Variants in CNBD1 observed in about 807,000 individuals in gnomAD.
CNBD1 encodes cyclic nucleotide binding domain containing 1, also known as cyclic nucleotide-binding domain-containing protein 1.
In CNBD1, 71 loss-of-function variants were observed where a neutral mutation model predicts 54.4. The ratio of observed to expected loss-of-function variants is 1.30; its 90% CI spans 1.08 to 1.59. The LOEUF is 1.59. Ranked by LOEUF, CNBD1 falls within the 40% of genes most tolerant of loss-of-function variation. The pLI, the probability that CNBD1 is intolerant of heterozygous loss-of-function variation, is 0.00. For missense variants in CNBD1, 659 were observed against 518.0 expected (o/e 1.27, Z -2.64); for synonymous variants, 182 against 170.7 (o/e 1.07, Z -0.51).
chr8:87,243,164 C>G (rs1277149431), intron 6 of CNBD1, among the ~76,000 whole-genome samples: 2 of 152,106 alleles, frequency 1.3e-5, no homozygotes, highest in African/African-American at 4.8e-5. Flanking sequence ...TGCATACTGC[C>G]CAGTACATCT....
chr8:87,131,476 A>G (rs1430610830), intron 4 of CNBD1, among the ~76,000 whole-genome samples: 1 of 152,100 alleles, frequency 6.6e-6, no homozygotes, highest in Non-Finnish European at 1.5e-5. Flanking sequence ...TATCATTGTC[A>G]TATATAGTAC....
intron 8 of CNBD1, among the ~76,000 whole-genome samples, chr8:87,299,742 A>C (rs1808947643): frequency 6.6e-6 from 1 of 152,162 alleles, no homozygotes; most frequent in Non-Finnish European, 1.5e-5. Context: ...ATGTTAGAAA[A>C]AGGTACTACT....
rs1431034157 is a variant in CNBD1, at chr8:87,348,249, A to G, written c.1043-3436A>G. ...CTTTAAGAATTTGCTCTACAGGGCT[A>G]TAAATGCTATCTATATTTATCTGCA... On this transcript the variant is annotated intron_variant, in intron 8 of 10. Coordinates refer to ENST00000518476, the MANE Select transcript of CNBD1 (RefSeq NM_173538.3). Among the ~76,000 whole-genome samples, 5 of 152,306 alleles carry G rather than the reference A, an allele frequency of 3.3e-5. No homozygotes were observed. The East Asian group carries it at 7.7e-4, about 23-fold the overall frequency.
intron 8 of CNBD1, among the ~76,000 whole-genome samples, chr8:87,346,776 A>G (rs1810184123): frequency 6.6e-6 from 1 of 152,172 alleles, no homozygotes; most frequent in Non-Finnish European, 1.5e-5. Context: ...GATAAGGTTA[A>G]TTCATTCAGA....
In CNBD1 at chr8:87,182,185, T is replaced by C. The variant is rs931166193; in HGVS notation, c.432-23808T>C. On this transcript the variant is annotated intron_variant, in intron 4 of 10. Coordinates refer to ENST00000518476, the MANE Select transcript of CNBD1 (RefSeq NM_173538.3). The surrounding 1 kb of genome is among the most constrained non-coding windows in gnomAD (Gnocchi z 4.1). ...TCCTATGTTAGTTCACTTAGGATAA[T>C]GGCCTTCACCTATATCCATGTTACT... Among the ~76,000 whole-genome samples the C allele has an allele frequency of 3.3e-5, 5 of 152,210 alleles. No homozygotes were observed. The highest frequency in any genetic ancestry group is 5.9e-5 in the Non-Finnish European group (4 of 68,038).
intron 4 of CNBD1, among the ~76,000 whole-genome samples, chr8:87,143,185 G>A (rs1456798266): frequency 1.3e-5 from 2 of 152,072 alleles, no homozygotes; most frequent in African/African-American, 4.8e-5. Context: ...TGTAGCTATG[G>A]TATAGCTAAC....
chr8:87,409,991 C>A (rs1244930662), intron 2 of CNBD1, among the ~76,000 whole-genome samples: 4 of 151,812 alleles, frequency 2.6e-5, no homozygotes, highest in African/African-American at 9.7e-5. Context: ...CCACTGCACT[C>A]CAGCCTGGGT....
intron 10 of CNBD1, among the ~76,000 whole-genome samples, chr8:87,371,024 G>A (rs1810775872): frequency 1.3e-5 from 2 of 150,524 alleles, no homozygotes; most frequent in Non-Finnish European, 3.0e-5. Context: ...GTTTGTCAAA[G>A]ATCAGATAGT....
chr8:87,054,842 A>C (rs1190953813), intron 4 of CNBD1, among the ~76,000 whole-genome samples: 1 of 152,196 alleles, frequency 6.6e-6, no homozygotes, highest in Non-Finnish European at 1.5e-5. Context: ...AACATTCCCA[A>C]CAACCAAGGG....
At chr8:86,970,102 C>T (rs1270297444) in intron 4 of CNBD1, among the ~76,000 whole-genome samples, 1 of 152,020 alleles carries the variant, frequency 6.6e-6, no homozygotes, top group Admixed American at 6.6e-5. Flanking sequence ...TTATTTACAA[C>T]TATATGGCTT....
At chr8:87,033,197 G>T (rs888987025) in intron 4 of CNBD1, among the ~76,000 whole-genome samples, 5 of 152,112 alleles carry the variant, frequency 3.3e-5, no homozygotes, top group African/African-American at 1.2e-4. Context: ...TTCTTCCACA[G>T]TATTGACAAT....
At chr8:87,401,732 G>A (rs759015637) in intron 2 of CNBD1, among the ~76,000 whole-genome samples, 12 of 151,892 alleles carry the variant, frequency 7.9e-5, no homozygotes, top group South Asian at 2.1e-4. Context: ...AATGATTTTC[G>A]TAGAAGCATG....
intron 3 of CNBD1, among the ~76,000 whole-genome samples, chr8:86,917,129 G>A (rs1214556407): frequency 3.3e-5 from 5 of 149,590 alleles, no homozygotes; most frequent in East Asian, 2.0e-4. Flanking sequence ...GTGACAGAGC[G>A]AGACTCTGTC....
In CNBD1 at chr8:87,182,847, TG is replaced by T. The variant is rs1813386595; in HGVS notation, c.432-23145del. On this transcript the variant is annotated intron_variant, in intron 4 of 10. Transcript: ENST00000518476. This position sits in a 1 kb window ranked among gnomAD's most constrained non-coding sequence, Gnocchi z 4.1. Reference sequence around the variant, plus strand: ...ATTTTCTCCCATTTAGTAGGTTTTCTGCCTATTCAGCTGATAATTTCTTTCT... The same window carrying T: ...ATTTTCTCCCATTTAGTAGGTTTTCTCCTATTCAGCTGATAATTTCTTTCT... Among the ~76,000 whole-genome samples the T allele has an allele frequency of 6.6e-6, 1 of 152,194 alleles. No individual in the cohort carries two copies. Among genetic ancestry groups the T allele is most frequent in the Non-Finnish European group, 1.5e-5 (1 of 68,024 alleles).
At chr8:87,156,578 A>G (rs868681086) in intron 4 of CNBD1, among the ~76,000 whole-genome samples, 1 of 151,914 alleles carries the variant, frequency 6.6e-6, no homozygotes, top group Non-Finnish European at 1.5e-5. Flanking sequence ...GATAAAATAC[A>G]CTTGTATTCA....
intron 4 of CNBD1, among the ~76,000 whole-genome samples, chr8:87,030,796 G>C (rs2130593108): frequency 6.6e-6 from 1 of 151,502 alleles, no homozygotes; most frequent in African/African-American, 2.4e-5. Context: ...AAGGCAGAAA[G>C]GGAAAGGGTG....
At chr8:86,965,122 A>G (rs1808036671) in intron 4 of CNBD1, among the ~76,000 whole-genome samples, 1 of 152,212 alleles carries the variant, frequency 6.6e-6, no homozygotes, top group Admixed American at 6.5e-5. Flanking sequence ...TATACTTTCA[A>G]TGACTAAGCC....
rs185911431 is a variant in CNBD1, at chr8:86,884,012, C to T, written c.89-3530C>T. Among the ~76,000 whole-genome samples, 402 of 151,828 alleles carry T rather than the reference C, an allele frequency of 2.6e-3. 3 individuals carry two copies. The highest frequency in any genetic ancestry group is 9.2e-3 in the African/African-American group (381 of 41,384). The stretch of plus-strand genomic sequence containing the variant: ...TAAAAAATACAAAAAATTAGCCGGG[C>T]GTAGTGGCGGGCGCCTGTAGTCCCA... On this transcript the variant is annotated intron_variant, in intron 1 of 10. Transcript: ENST00000518476.
intron 8 of CNBD1, among the ~76,000 whole-genome samples, chr8:87,331,211 C>A (rs925766892): frequency 2.0e-5 from 3 of 152,126 alleles, no homozygotes; most frequent in East Asian, 1.9e-4. Flanking sequence ...GGCTTTCCCA[C>A]CCCTTGCACC....
Sources: allele counts gnomAD v4.1 joint callset (sites outside exome capture counted in the v4.1 genomes callset), GRCh38; gene constraint gnomAD v4.1.1; non-coding constraint Gnocchi (gnomAD v3.1); transcripts MANE v1.5; gene names NCBI Gene and HGNC (gene_info 2026-07-23, HGNC 2026-07-21).